The following TMEM163 variants were observed in gnomAD, a reference collection of about 807,000 sequenced individuals.
TMEM163 encodes transmembrane protein 163.
TMEM163 carries 17 observed loss-of-function variants against 29.3 expected under a neutral mutation model. The observed-to-expected ratio is 0.58, with a 90% CI of 0.40 to 0.87. TMEM163 has a LOEUF of 0.87. Among genes scored for constraint, TMEM163 ranks in the 40% least tolerant of loss-of-function variants. The pLI, the probability that TMEM163 is intolerant of heterozygous loss-of-function variation, is 0.00. For synonymous variants in TMEM163, 157 were observed against 160.6 expected, an observed-to-expected ratio of 0.98 and a Z score of 0.17; for missense variants, 303 against 381.5, an observed-to-expected ratio of 0.79 and a Z score of 1.71.
chr2:134,620,361 C>T (rs1047280780), intron 2 of TMEM163, among the ~76,000 whole-genome samples: 5 of 151,866 alleles, frequency 3.3e-5, no homozygotes, highest in African/African-American at 1.2e-4. Context: ...GGTTCAAGCG[C>T]TTCTCCTGCC....
chr2:134,650,493 C>A lies in TMEM163; in HGVS notation c.322+62707G>T, dbSNP rs973200835. On this transcript the variant is annotated intron_variant, in intron 2 of 7. Transcript: ENST00000281924. ...GACTTCTTCTTCTCCTATTTGGATGCCTTCTATTTCTTTTTTTTGTTTGTT... is the reference window on the plus strand; with the variant it reads ...GACTTCTTCTTCTCCTATTTGGATGACTTCTATTTCTTTTTTTTGTTTGTT... Among the ~76,000 whole-genome samples, 100 of 140,402 alleles carry A rather than the reference C, an allele frequency of 7.1e-4. 3 individuals carry two copies. The highest frequency in any genetic ancestry group is 2.8e-3 in the African/African-American group (93 of 33,530). The allele number at this position is 140,402 out of a possible 152,430, so 92.1% of individuals were successfully genotyped here.
intron 2 of TMEM163, among the ~76,000 whole-genome samples, chr2:134,652,108 G>A (rs1683493741): frequency 7.2e-6 from 1 of 139,398 alleles, no homozygotes; most frequent in Non-Finnish European, 1.5e-5. Flanking sequence ...TTATGGGAAT[G>A]GCATTGAATC....
intron 4 of TMEM163, among the ~76,000 whole-genome samples, chr2:134,507,503 G>A (rs1219332549): frequency 6.6e-6 from 1 of 152,138 alleles, no homozygotes; most frequent in African/African-American, 2.4e-5. Flanking sequence ...AGAAACTCTG[G>A]GGACGTGGCC....
At chr2:134,643,106 T>C (rs1683257267) in intron 2 of TMEM163, among the ~76,000 whole-genome samples, 1 of 151,964 alleles carries the variant, frequency 6.6e-6, no homozygotes, top group Non-Finnish European at 1.5e-5. Flanking sequence ...CTAGCAATGC[T>C]GACACAAAAA....
At chr2:134,561,052 C>T (rs746313083) in intron 2 of TMEM163, among the ~76,000 whole-genome samples, 35 of 152,250 alleles carry the variant, frequency 2.3e-4, no homozygotes, top group Non-Finnish European at 5.1e-4. Context: ...GAGGAACATC[C>T]CCTGAAGGCA....
At chr2:134,463,794 G>T (rs557148814) in intron 6 of TMEM163, among the ~76,000 whole-genome samples, 1 of 152,320 alleles carries the variant, frequency 6.6e-6, no homozygotes, top group South Asian at 2.1e-4. Flanking sequence ...AGCCAGTGCG[G>T]CACCTAACAG....
intron 2 of TMEM163, among the ~76,000 whole-genome samples, chr2:134,588,297 G>A (rs1020602515): frequency 1.3e-5 from 2 of 152,200 alleles, no homozygotes; most frequent in Admixed American, 6.5e-5. Context: ...CAATAAGAAA[G>A]GAGGGAAAGG....
At chr2:134,681,568 C>G (rs527996985) in intron 2 of TMEM163, among the ~76,000 whole-genome samples, 1 of 152,174 alleles carries the variant, frequency 6.6e-6, no homozygotes, top group South Asian at 2.1e-4. Flanking sequence ...CCCATGCAAA[C>G]AGGAATAGAA....
chr2:134,710,747 C>A (rs1262667551), intron 2 of TMEM163, among the ~76,000 whole-genome samples: 1 of 151,906 alleles, frequency 6.6e-6, no homozygotes, highest in East Asian at 1.9e-4. Flanking sequence ...TTTCACCATC[C>A]AACAGTAGCA....
At chr2:134,717,654 A>C (rs1175723760) in intron 1 of TMEM163, among the ~76,000 whole-genome samples, 1 of 152,188 alleles carries the variant, frequency 6.6e-6, no homozygotes. Context: ...TTCCAAGAAA[A>C]GGGGGTGGAG....
chr2:134,606,343 CAA>C (rs11320775), intron 2 of TMEM163, among the ~76,000 whole-genome samples: 124 of 147,000 alleles, frequency 8.4e-4, no homozygotes, highest in South Asian at 3.7e-3. Context: ...AACTCCGTCT[CAA>C]AAAAAAAAAA....
At chr2:134,644,234 A>G (rs749481223) in intron 2 of TMEM163, among the ~76,000 whole-genome samples, 1 of 152,006 alleles carries the variant, frequency 6.6e-6, no homozygotes, top group African/African-American at 2.4e-5. Flanking sequence ...TTCCAGAGAG[A>G]TTTTTTTTCT....
At chr2:134,524,026 T>G (rs1043085804) in intron 4 of TMEM163, among the ~76,000 whole-genome samples, 6 of 152,204 alleles carry the variant, frequency 3.9e-5, no homozygotes, top group African/African-American at 1.4e-4. Context: ...TGAGAAACCC[T>G]GTTCTACTCC....
intron 6 of TMEM163, among the ~76,000 whole-genome samples, chr2:134,464,981 T>TGTCACC: frequency 6.6e-6 from 1 of 152,200 alleles, no homozygotes; most frequent in East Asian, 1.9e-4. Context: ...CAACTGTCAC[T>TGTCACC]GTCACCATGC....
chr2:134,691,878 T>C (rs757829118), intron 2 of TMEM163, among the ~76,000 whole-genome samples: 15 of 152,202 alleles, frequency 9.9e-5, no homozygotes, highest in Non-Finnish European at 1.8e-4. Flanking sequence ...TTGCTCCACA[T>C]CCTAATCCCT....
At chr2:134,665,153 C>T (rs1266540839) in intron 2 of TMEM163, among the ~76,000 whole-genome samples, 1 of 152,188 alleles carries the variant, frequency 6.6e-6, no homozygotes, top group Non-Finnish European at 1.5e-5. Context: ...TTGCAAACTA[C>T]TGCAAGACAT....
chr2:134,575,179 G>C (rs1282715912), intron 2 of TMEM163, among the ~76,000 whole-genome samples: 1 of 152,114 alleles, frequency 6.6e-6, no homozygotes, highest in Non-Finnish European at 1.5e-5. Context: ...GAAGAATCGA[G>C]AGGAAGTAAG....
chr2:134,679,546 T>A (rs1486249134), intron 2 of TMEM163, among the ~76,000 whole-genome samples: 1 of 152,162 alleles, frequency 6.6e-6, no homozygotes, highest in Non-Finnish European at 1.5e-5. Flanking sequence ...AGCGACGCAG[T>A]GCTCTGGGTT....
At chr2:134,659,025 C>T (rs72970188) in intron 2 of TMEM163, among the ~76,000 whole-genome samples, 22,779 of 152,158 alleles carry the variant, frequency 0.15, 2,519 homozygotes, top group African/African-American at 0.31. Flanking sequence ...CAAACATCGC[C>T]GAGTGTACTT....
Sources: gnomAD v4.1 joint callset for allele counts (sites outside exome capture counted in the v4.1 genomes callset) on GRCh38, gnomAD v4.1.1 for gene constraint, MANE v1.5 for transcripts, NCBI Gene and HGNC (gene_info 2026-07-23, HGNC 2026-07-21) for gene names.